The following PXDNL variants were observed in gnomAD, a reference collection of about 807,000 sequenced individuals.
The protein encoded by PXDNL is probable oxidoreductase PXDNL.
A neutral mutation model predicts 150.8 loss-of-function variants in PXDNL; 145 were observed. The observed-to-expected ratio is 0.96, with a 90% CI of 0.84 to 1.10. PXDNL has a LOEUF of 1.10. PXDNL is among the 50% of genes least tolerant of loss of function. The pLI is 0.00. For missense variants in PXDNL, 2,087 were observed against 1,873.9 expected (o/e 1.11, Z -2.10); for synonymous variants, 757 against 725.7 (o/e 1.04, Z -0.69).
intron 5 of PXDNL, among the ~76,000 whole-genome samples, chr8:51,489,705 T>C (rs532165116): frequency 1.3e-5 from 2 of 152,262 alleles, no homozygotes; most frequent in Admixed American, 6.5e-5. Flanking sequence ...CTAGAAGAAA[T>C]AGAATGGATT....
At chr8:51,586,718 A>G (rs957354750) in intron 3 of PXDNL, among the ~76,000 whole-genome samples, 1 of 152,234 alleles carries the variant, frequency 6.6e-6, no homozygotes, top group African/African-American at 2.4e-5. Flanking sequence ...GGAAAATGCC[A>G]ATGCTAAGGA....
At chr8:51,360,495 A>G (rs1034292312) in intron 19 of PXDNL, among the ~76,000 whole-genome samples, 1 of 152,252 alleles carries the variant, frequency 6.6e-6, no homozygotes, top group Admixed American at 6.5e-5. Flanking sequence ...ATACACATGT[A>G]TATATGTACA....
chr8:51,629,225 A>C, intron 2 of PXDNL, among the ~76,000 whole-genome samples: 1 of 152,204 alleles, frequency 6.6e-6, no homozygotes, highest in Non-Finnish European at 1.5e-5. Context: ...CATAGTGGAG[A>C]TTAAAAATAT....
intron 2 of PXDNL, among the ~76,000 whole-genome samples, chr8:51,601,251 G>T (rs1241676331): frequency 2.6e-5 from 4 of 151,760 alleles, no homozygotes; most frequent in Admixed American, 6.6e-5. Context: ...GCCAAGGGTT[G>T]TGTTTAAGTC....
At chr8:51,617,201 A>G (rs1157035153) in intron 2 of PXDNL, among the ~76,000 whole-genome samples, 1 of 152,230 alleles carries the variant, frequency 6.6e-6, no homozygotes. Context: ...CAATCTCTAT[A>G]AATTAAATAA....
chr8:51,614,935 T>G (rs1455591121), intron 2 of PXDNL, among the ~76,000 whole-genome samples: 1 of 152,194 alleles, frequency 6.6e-6, no homozygotes, highest in African/African-American at 2.4e-5. Context: ...ACTATCTCAT[T>G]TTCAGTTAAT....
In PXDNL at chr8:51,447,972, A is replaced by G. The variant is rs113372234; in HGVS notation, c.1367-810T>C. On this transcript the variant is annotated intron_variant, in intron 11 of 22. Coordinates refer to ENST00000356297, the MANE Select transcript of PXDNL (RefSeq NM_144651.5). ...AAACAGCAGTTAACAGGTTTGCTCA[A>G]GGTCACATGATAAGCAAATGGAGGA... is the stretch of plus-strand genomic sequence containing the variant. 6.4e-3 allele frequency among the ~76,000 whole-genome samples: 979 copies of G among 152,350 alleles called. 4 individuals carry two copies. Among genetic ancestry groups the G allele is most frequent in the African/African-American group, 0.022 (925 of 41,580 alleles).
intron 2 of PXDNL, among the ~76,000 whole-genome samples, chr8:51,653,505 A>C (rs1815083571): frequency 1.3e-5 from 2 of 152,166 alleles, no homozygotes; most frequent in South Asian, 4.1e-4. Flanking sequence ...GAGGGCTAGG[A>C]ATTTGCATGT....
At position 51,381,176 on chromosome 8, in the gene PXDNL, C is replaced by T. The variant is rs77907472; in HGVS notation, c.3558-6445G>A. Among the ~76,000 whole-genome samples the T allele has an allele frequency of 7.8e-3, 1,185 of 152,168 alleles. 14 individuals are homozygous for T. The highest frequency in any genetic ancestry group is 0.027 in the African/African-American group (1,129 of 41,496). On this transcript the variant is annotated intron_variant, in intron 17 of 22. Coordinates refer to ENST00000356297, the MANE Select transcript of PXDNL (RefSeq NM_144651.5). ...AGATAGTGTTCCTTCTTTTGCATTCCCTAAATGACTCCATGGGCCTTTGGA... is the reference window on the plus strand; with the variant it reads ...AGATAGTGTTCCTTCTTTTGCATTCTCTAAATGACTCCATGGGCCTTTGGA...
At chr8:51,540,620 TGTA>T (rs1812195178) in intron 4 of PXDNL, among the ~76,000 whole-genome samples, 1 of 152,198 alleles carries the variant, frequency 6.6e-6, no homozygotes, top group Admixed American at 6.5e-5. Flanking sequence ...AGCTTTATTA[TGTA>T]ATCCACAATA....
rs1350723256 is a variant in PXDNL, at chr8:51,809,297, C to A, written c.48G>T (p.Gly16=). The change falls in exon 1 of 23, where the codon GGG becomes GGT. Residue 16 remains glycine (G), a synonymous_variant. Coordinates refer to ENST00000356297, the MANE Select transcript of PXDNL (RefSeq NM_144651.5). ...GGCAGGGCAACCCTGGCAGGCACCA[C>A]CCGGCCAGGAGAAAGAGAGTGGTCC... ...FCWTTLFLLA[G]WCLPGLPCPS... is the part of the protein sequence containing the mutation. The A allele has an allele frequency of 6.3e-7, 1 of 1,583,096 alleles. No individual in the cohort carries two copies. Among genetic ancestry groups the A allele is most frequent in the Non-Finnish European group, 8.6e-7 (1 of 1,164,568 alleles).
intron 21 of PXDNL, among the ~76,000 whole-genome samples, chr8:51,329,475 C>A (rs1322628438): frequency 6.6e-6 from 1 of 152,136 alleles, no homozygotes; most frequent in Non-Finnish European, 1.5e-5. Context: ...TCATGTATGG[C>A]TTTAAACAAA....
At chr8:51,661,269 G>C (rs2130812556) in intron 1 of PXDNL, among the ~76,000 whole-genome samples, 1 of 152,244 alleles carries the variant, frequency 6.6e-6, no homozygotes, top group African/African-American at 2.4e-5. Flanking sequence ...AGAGCTTGAG[G>C]CCATCTTCCG....
intron 4 of PXDNL, among the ~76,000 whole-genome samples, chr8:51,543,290 A>AT (rs1378328262): frequency 6.6e-6 from 1 of 152,168 alleles, no homozygotes; most frequent in East Asian, 1.9e-4. Flanking sequence ...AGATGATGAG[A>AT]TAAAAAGTTT....
intron 4 of PXDNL, among the ~76,000 whole-genome samples, chr8:51,532,983 GA>G (rs1251228078): frequency 7.0e-6 from 1 of 142,470 alleles, no homozygotes; most frequent in Non-Finnish European, 1.5e-5. Context: ...AATCAAGTAG[GA>G]AAAAAAGGAA....
chr8:51,804,092 C>T (rs534707584), intron 1 of PXDNL, among the ~76,000 whole-genome samples: 1 of 152,284 alleles, frequency 6.6e-6, no homozygotes, highest in South Asian at 2.1e-4. Context: ...CGGTTTTATA[C>T]ATTTTAGGGA....
intron 1 of PXDNL, among the ~76,000 whole-genome samples, chr8:51,678,046 C>G (rs578119505): frequency 2.0e-5 from 3 of 152,334 alleles, no homozygotes; most frequent in African/African-American, 7.2e-5. Context: ...CATAAAACCT[C>G]TTGTAAAGAG....
At chr8:51,513,518 A>T (rs1201416269) in intron 4 of PXDNL, among the ~76,000 whole-genome samples, 1 of 152,242 alleles carries the variant, frequency 6.6e-6, no homozygotes, top group Non-Finnish European at 1.5e-5. Context: ...GCATTTGATT[A>T]CTACAACAAC....
chr8:51,618,869 G>T (rs1044037773), intron 2 of PXDNL, among the ~76,000 whole-genome samples: 2 of 152,108 alleles, frequency 1.3e-5, no homozygotes, highest in African/African-American at 2.4e-5. Flanking sequence ...AAATGTCGGT[G>T]GTTCTTATTA....
Sources: allele counts gnomAD v4.1 joint callset (sites outside exome capture counted in the v4.1 genomes callset), GRCh38; gene constraint gnomAD v4.1.1; transcripts MANE v1.5; gene names NCBI Gene and HGNC (gene_info 2026-07-23, HGNC 2026-07-21).